Variants in ROBO1 observed in about 807,000 individuals in gnomAD.
ROBO1 encodes the protein roundabout guidance receptor 1, also known as roundabout homolog 1.
ROBO1 carries 149 observed loss-of-function variants against 195.9 expected under a neutral mutation model. That is an observed-to-expected ratio of 0.76 (90% CI 0.67 to 0.87). The LOEUF is 0.87. Ranked by LOEUF, ROBO1 falls within the 40% of genes least tolerant of loss-of-function variation. ROBO1 has a pLI of 0.00. For synonymous variants in ROBO1, 816 were observed against 733.2 expected (o/e 1.11, Z -1.82); for missense variants, 1,933 against 2,068.3 (o/e 0.93, Z 1.27).
chr3:79,750,182 G>A (rs1251406995), intron 1 of ROBO1, among the ~76,000 whole-genome samples: 1 of 152,222 alleles, frequency 6.6e-6, no homozygotes, highest in Non-Finnish European at 1.5e-5. Flanking sequence ...TACTCTGCTG[G>A]ATTTCAGAAT....
chr3:79,498,589 C>T (rs1024960866), intron 2 of ROBO1, among the ~76,000 whole-genome samples: 10 of 152,158 alleles, frequency 6.6e-5, no homozygotes, highest in African/African-American at 9.7e-5. Context: ...CACGGTGGCT[C>T]ACGCCTGTAA....
intron 2 of ROBO1, among the ~76,000 whole-genome samples, chr3:79,409,095 TG>T (rs1170578213): frequency 6.6e-6 from 1 of 152,058 alleles, no homozygotes; most frequent in East Asian, 1.9e-4. Context: ...TGAATAAACA[TG>T]AGAATAAATT....
chr3:78,764,728 T>C (rs2083186415), intron 4 of ROBO1, among the ~76,000 whole-genome samples: 1 of 152,136 alleles, frequency 6.6e-6, no homozygotes, highest in African/African-American at 2.4e-5. Flanking sequence ...TAGTTTACTT[T>C]CAGTTTTGAA....
chr3:79,612,188 C>T (rs1944681572), intron 1 of ROBO1, among the ~76,000 whole-genome samples: 1 of 148,386 alleles, frequency 6.7e-6, no homozygotes, highest in South Asian at 2.2e-4. Flanking sequence ...CCTCCCACCA[C>T]CCCACAACAG....
intron 2 of ROBO1, among the ~76,000 whole-genome samples, chr3:79,161,464 T>C (rs2108664663): frequency 6.6e-6 from 1 of 152,222 alleles, no homozygotes; most frequent in South Asian, 2.1e-4. Flanking sequence ...GCCTATGCAC[T>C]TGAGTAGAGG....
intron 1 of ROBO1, among the ~76,000 whole-genome samples, chr3:79,696,376 T>C (rs1002147573): frequency 1.3e-5 from 2 of 150,666 alleles, no homozygotes; most frequent in African/African-American, 4.8e-5. Context: ...ATAAACCTTA[T>C]TAAAATAAGA....
At chr3:78,747,231 T>C (rs2082679761) in intron 4 of ROBO1, among the ~76,000 whole-genome samples, 1 of 152,186 alleles carries the variant, frequency 6.6e-6, no homozygotes, top group South Asian at 2.1e-4. Flanking sequence ...AGCCATGTGC[T>C]AACCAATATA....
intron 1 of ROBO1, among the ~76,000 whole-genome samples, chr3:79,747,447 A>T (rs1576313733): frequency 6.6e-6 from 1 of 152,098 alleles, no homozygotes; most frequent in South Asian, 2.1e-4. Flanking sequence ...TTGTGTAGGC[A>T]TTATACTCCT....
chr3:79,459,282 T>C (rs1186056578), intron 2 of ROBO1, among the ~76,000 whole-genome samples: 1 of 152,162 alleles, frequency 6.6e-6, no homozygotes, highest in Non-Finnish European at 1.5e-5. Context: ...AATTGATAGG[T>C]ATCATGCTTT....
At chr3:79,148,088 C>T (rs2108630743) in intron 2 of ROBO1, among the ~76,000 whole-genome samples, 1 of 151,918 alleles carries the variant, frequency 6.6e-6, no homozygotes, top group Middle Eastern at 3.4e-3. Flanking sequence ...CATATCCCCA[C>T]TGTTCATTTA....
At chr3:78,873,783 A>G (rs999523132) in intron 4 of ROBO1, among the ~76,000 whole-genome samples, 4 of 152,142 alleles carry the variant, frequency 2.6e-5, no homozygotes, top group Non-Finnish European at 5.9e-5. Flanking sequence ...GTTTCTTTTC[A>G]CGTGACTTTT....
chr3:79,684,689 G>A (rs1230225464), intron 1 of ROBO1, among the ~76,000 whole-genome samples: 2 of 151,776 alleles, frequency 1.3e-5, no homozygotes, highest in African/African-American at 4.8e-5. Flanking sequence ...TGGTGATGAT[G>A]ATTTGAGATG....
chr3:79,714,957 C>T (rs1702424822), intron 1 of ROBO1, among the ~76,000 whole-genome samples: 1 of 151,494 alleles, frequency 6.6e-6, no homozygotes, highest in East Asian at 1.9e-4. Flanking sequence ...ATGTAACTAA[C>T]CTGCACATTG....
intron 3 of ROBO1, among the ~76,000 whole-genome samples, chr3:78,960,217 A>G (rs1453461670): frequency 2.0e-5 from 3 of 151,990 alleles, no homozygotes. Context: ...ATTTTTTTAA[A>G]CTTATCTAAT....
At chr3:79,565,213 TGAGAACATTAC>T (rs1454111174) in intron 2 of ROBO1, among the ~76,000 whole-genome samples, 4 of 152,052 alleles carry the variant, frequency 2.6e-5, no homozygotes, top group Non-Finnish European at 4.4e-5. Context: ...TAGCAAGCTG[TGAGAACATTAC>T]GTTTAAAGAA....
At chr3:78,604,258 A>G (rs1299901891) in intron 29 of ROBO1, among the ~76,000 whole-genome samples, 1 of 151,878 alleles carries the variant, frequency 6.6e-6, no homozygotes, top group Non-Finnish European at 1.5e-5. Context: ...TTTAGTAGAG[A>G]TGGGGTTTCA....
chr3:79,604,628 T>G (rs1160268902), intron 1 of ROBO1, among the ~76,000 whole-genome samples: 1 of 152,030 alleles, frequency 6.6e-6, no homozygotes, highest in Non-Finnish European at 1.5e-5. Context: ...TTAGAAATGA[T>G]ACTGTGGGTG....
intron 3 of ROBO1, among the ~76,000 whole-genome samples, chr3:78,960,987 G>A (rs187893904): frequency 5.3e-5 from 8 of 152,160 alleles, no homozygotes; most frequent in South Asian, 2.1e-4. Context: ...TACGCTGTAT[G>A]TATAGCCAAT....
chr3:79,081,238 C>T (rs907817415), intron 3 of ROBO1, among the ~76,000 whole-genome samples: 1 of 151,528 alleles, frequency 6.6e-6, no homozygotes, highest in African/African-American at 2.4e-5. Flanking sequence ...GATATTGATG[C>T]AAACTTCTCC....
Sources: gnomAD v4.1 joint callset for allele counts (sites outside exome capture counted in the v4.1 genomes callset) on GRCh38, gnomAD v4.1.1 for gene constraint, MANE v1.5 for transcripts, NCBI Gene and HGNC (gene_info 2026-07-23, HGNC 2026-07-21) for gene names.